The following ZNF174 variants were observed in gnomAD, a reference collection of about 807,000 sequenced individuals.
ZNF174 encodes zinc finger protein 174, also known as AW-1.
Under a neutral mutation model 38.7 loss-of-function variants are expected in ZNF174, and 30 were observed. The ratio of observed to expected loss-of-function variants is 0.78; its 90% CI spans 0.58 to 1.05. The LOEUF (loss-of-function observed/expected upper bound fraction) is 1.05. Among genes scored for constraint, ZNF174 ranks in the 50% least tolerant of loss-of-function variants. ZNF174 has a pLI of 0.00. For synonymous variants in ZNF174, 201 were observed against 181.7 expected (o/e 1.11, Z -0.86); for missense variants, 499 against 495.6 (o/e 1.01, Z -0.06).
At chr16:3,404,975 G>C in intron 2 of ZNF174, 1 of 1,614,096 alleles carries the variant, frequency 6.2e-7, no homozygotes, top group Non-Finnish European at 8.5e-7. Context: ...CTATGGCTGA[G>C]TTTCATTGCT....
Position 3,402,385 on chromosome 16 carries a change from A to T in ZNF174, c.381A>T (p.Ala127=), listed in dbSNP as rs775075182. 10 of 1,613,560 alleles carry T rather than the reference A, an allele frequency of 6.2e-6. No individual in the cohort carries two copies. In the African/African-American group the frequency reaches 1.3e-4, roughly 22 times the overall value. The change falls in exon 1 of 3, where the codon GCA becomes GCT. Residue 127 remains alanine, a synonymous_variant. Transcript: ENST00000268655. ...CCCTCGTGGAAGATTTTCACAGAGC[A>T]TCCAAGAAACCAAAGCAGTGGGTAA... ...IVTLVEDFHR[A]SKKPKQWVAV...
At chr16:3,403,145 A>C (rs901837498) in intron 1 of ZNF174, among the ~76,000 whole-genome samples, 4 of 85,414 alleles carry the variant, frequency 4.7e-5, no homozygotes, top group Non-Finnish European at 8.7e-5. Context: ...TGTTTAGCTT[A>C]TAGTCTTTTT....
intron 2 of ZNF174, among the ~76,000 whole-genome samples, chr16:3,406,733 C>G (rs1357751643): frequency 1.3e-5 from 2 of 152,162 alleles, no homozygotes; most frequent in African/African-American, 4.8e-5. Context: ...GTCTCACTTT[C>G]TTGACAGTGT....
At chr16:3,402,453 C>CTTTTTTTTTTTT (rs56903674) in intron 1 of ZNF174, 47 bp downstream of exon 1, 15 of 1,300,640 alleles carry the variant, frequency 1.2e-5, no homozygotes, top group African/African-American at 6.4e-5. Context: ...TTTTTCTTTT[C>CTTTTTTTTTTTT]TTTTTTTTTT....
In ZNF174 at chr16:3,404,406, T is replaced by C. The variant is rs529988609; in HGVS notation, c.403-20T>C. 24 of 1,578,112 alleles carry C rather than the reference T, an allele frequency of 1.5e-5. No individual in the cohort carries two copies. The East Asian group carries it at 3.6e-4, about 24-fold the overall frequency. On this transcript the variant is annotated intron_variant, in intron 1 of 2. Coordinates refer to ENST00000268655, the MANE Select transcript of ZNF174 (RefSeq NM_003450.3). ...CCTCAGTCCTGATGGATGGAATTAA[T>C]GGATGGGGCTTGTTCCTAGGTGGCC...
Position 3,409,067 on chromosome 16 carries a change from C to A in ZNF174, c.*148C>A. 1.0e-6 allele frequency: 1 copy of A among 966,418 alleles called. No homozygotes were observed. Among genetic ancestry groups the A allele is most frequent in the Non-Finnish European group, 1.5e-6 (1 of 654,150 alleles). The allele number at this position is 966,418 out of a possible 1,614,324, so 59.9% of individuals were successfully genotyped here. A position where few individuals can be genotyped will look rare whatever the true frequency, so the allele number is the denominator to read the frequency against. Reference sequence around the variant, plus strand: ...TGATGCACATTCTGCTGTGAGGAGGCCCAGAAAAGGCCAACCAGGGCCCAA... The same window carrying A: ...TGATGCACATTCTGCTGTGAGGAGGACCAGAAAAGGCCAACCAGGGCCCAA... On this transcript the variant is annotated 3_prime_UTR_variant, in exon 3 of 3. Transcript: ENST00000268655.
rs369171525 is a variant in ZNF174, at chr16:3,404,580, G to A, written c.557G>A (p.Arg186Gln). ...AEPSQAGAYD[R>Q]LSPHHWEKSP... ...CCTTCCCAGGCAGGAGCTTATGACC[G>A]GCTGAGCCCCCATCATTGGGAGAAA... Residue 186 changes from arginine (R) to glutamine (Q), a missense_variant, in exon 2 of 3, where the codon CGG (arginine) becomes CAG (glutamine). Arg to Gln is a conservative substitution (Grantham distance 43). Transcript: ENST00000268655. The A allele has an allele frequency of 3.7e-6, 6 of 1,614,166 alleles. No homozygotes were observed. Among genetic ancestry groups the A allele is most frequent in the Middle Eastern group, 1.6e-4 (1 of 6,062 alleles).
At chr16:3,403,150 CTTTTTTTTTTTTTTTTTTTTTTTTTT>C (rs753071209) in intron 1 of ZNF174, among the ~76,000 whole-genome samples, 2 of 30,938 alleles carry the variant, frequency 6.5e-5, no homozygotes, top group Non-Finnish European at 5.5e-5. Flanking sequence ...AGCTTATAGT[CTTTTTTTTTTTTTTTTTTTTTTTTTT>C]TTTTTTTTTT....
rs372640245 is a variant in ZNF174 at position 3,403,550 on chromosome 16, G to A, written c.403-876G>A. Among the ~76,000 whole-genome samples, 20 of 149,368 alleles carry A rather than the reference G, an allele frequency of 1.3e-4. 1 individual carries two copies. The East Asian group carries it at 2.6e-3, about 19-fold the overall frequency. On this transcript the variant is annotated intron_variant, in intron 1 of 2. Coordinates refer to ENST00000268655, the MANE Select transcript of ZNF174 (RefSeq NM_003450.3). ...TGCTGAGGCTGGAGGGCAGTGGCAC[G>A]ATCTCAGCTCGCTGCAACCTCCATG... is the stretch of plus-strand genomic sequence containing the variant.
chr16:3,401,877 C>T lies in ZNF174; in HGVS notation c.-128C>T. ...CAAGTGAGGCTTTGTCTCTGCATCC[C>T]GTTCCCCCTAACATCCTCAGAGAAC... On this transcript the variant is annotated 5_prime_UTR_variant, in exon 1 of 3. Coordinates refer to ENST00000268655, the MANE Select transcript of ZNF174 (RefSeq NM_003450.3). 1.7e-6 allele frequency: 2 copies of T among 1,186,058 alleles called. No individual in the cohort carries two copies. Among genetic ancestry groups the T allele is most frequent in the Non-Finnish European group, 2.4e-6 (2 of 842,610 alleles). 73.5% of individuals were successfully genotyped at this position (1,186,058 alleles called of 1,614,324 possible). A position where few individuals can be genotyped will look rare whatever the true frequency, so the allele number is the denominator to read the frequency against.
chr16:3,407,942 T>G (rs1244500852), intron 2 of ZNF174, among the ~76,000 whole-genome samples: 1 of 152,242 alleles, frequency 6.6e-6, no homozygotes, highest in Non-Finnish European at 1.5e-5. Context: ...TGTTGAGATT[T>G]CACCTCTCTT....
Position 3,402,325 on chromosome 16 carries a change from G to A in ZNF174, c.321G>A (p.Arg107=), listed in dbSNP as rs2033936732. 2.5e-6 allele frequency: 4 copies of A among 1,614,080 alleles called. No homozygotes were observed. Among genetic ancestry groups the A allele is most frequent in the Non-Finnish European group, 2.5e-6 (3 of 1,180,016 alleles). The change falls in exon 1 of 3, where the codon AGG becomes AGA. Residue 107 remains arginine, a synonymous_variant. Transcript: ENST00000268655. The part of the protein sequence containing the change: ...ILPPEIQARV[R]HRCPMSSKEI... ...CCCCGGAGATCCAGGCTCGGGTCAG[G>A]CATCGATGTCCAATGAGCAGCAAGG...
chr16:3,402,128 C>G lies in ZNF174; in HGVS notation c.124C>G (p.Pro42Ala). The change falls in exon 1 of 3, where the codon CCT becomes GCT. Residue 42 changes from proline (P) to alanine (A), a missense_variant. By Grantham distance (27) the Pro-to-Ala change is conservative. Coordinates refer to ENST00000268655, the MANE Select transcript of ZNF174 (RefSeq NM_003450.3). ...TCCTCTGCAAAAAAACTGCCCAGAT[C>G]CTGAGCTCTGCCGCCAGAGCTTCAG... Reference protein sequence around the residue: ...GPPLQKNCPDPELCRQSFRRF... With the variant: ...GPPLQKNCPDAELCRQSFRRF... 1 of 1,614,218 alleles carries G rather than the reference C, an allele frequency of 6.2e-7. No individual in the cohort carries two copies.
intron 1 of ZNF174, among the ~76,000 whole-genome samples, chr16:3,403,148 G>GTTTTT (rs1567340030): frequency 5.2e-5 from 3 of 57,676 alleles, no homozygotes; most frequent in African/African-American, 2.3e-4. Context: ...TTAGCTTATA[G>GTTTTT]TCTTTTTTTT....
chr16:3,409,125 G>A lies in ZNF174; in HGVS notation c.*206G>A. 4 of 590,530 alleles carry A rather than the reference G, an allele frequency of 6.8e-6. No homozygotes were observed. Among genetic ancestry groups the A allele is most frequent in the South Asian group, 4.2e-5 (2 of 47,774 alleles). 36.6% of individuals were successfully genotyped at this position (590,530 alleles called of 1,614,324 possible). A position where few individuals can be genotyped will look rare whatever the true frequency, so the allele number is the denominator to read the frequency against. On this transcript the variant is annotated 3_prime_UTR_variant, in exon 3 of 3. Transcript: ENST00000268655. ...TGATGACAGGGTGAAGAGAAGGCAG[G>A]TCTGGGCACTGGGGCAAAGAGAACT... is the stretch of plus-strand genomic sequence containing the variant.
At chr16:3,407,718 C>G (rs1480031232) in intron 2 of ZNF174, among the ~76,000 whole-genome samples, 1 of 152,208 alleles carries the variant, frequency 6.6e-6, no homozygotes, top group African/African-American at 2.4e-5. Flanking sequence ...TCATCTCCAT[C>G]CAGACTGTCA....
In ZNF174 at chr16:3,404,554, G is replaced by T. The variant is rs752826237; in HGVS notation, c.531G>T (p.Glu177Asp). The change falls in exon 2 of 3, where the codon GAG (glutamate) becomes GAT (aspartate). Residue 177 changes from glutamate to aspartate, a missense_variant. Physicochemically the swap from Glu to Asp is conservative, Grantham distance 45. Transcript: ENST00000268655. ...ATCTCAGGGAGAGCTCTCCAGCAGA[G>T]CCTTCCCAGGCAGGAGCTTATGACC... is the stretch of plus-strand genomic sequence containing the variant. ...RRDLRESSPA[E>D]PSQAGAYDRL... 10 of 1,614,098 alleles carry T rather than the reference G, an allele frequency of 6.2e-6. No individual in the cohort carries two copies. The East Asian group carries it at 1.8e-4, about 29-fold the overall frequency.
At position 3,402,184 on chromosome 16, in the gene ZNF174, C is replaced by T; in HGVS notation, c.180C>T (p.Pro60=). The change falls in exon 1 of 3, where the codon CCC becomes CCT. Residue 60 remains proline, a synonymous_variant. Coordinates refer to ENST00000268655, the MANE Select transcript of ZNF174 (RefSeq NM_003450.3). ...TTTGTTATCAAGAGGTGTCTGGACC[C>T]CAAGAGGCTCTCTCCCAGCTCCGAC... ...RRFCYQEVSG[P]QEALSQLRQL... is the part of the protein sequence containing the mutation. 6.2e-7 allele frequency: 1 copy of T among 1,612,874 alleles called. No individual in the cohort carries two copies. Among genetic ancestry groups the T allele is most frequent in the East Asian group, 2.2e-5 (1 of 44,860 alleles).
intron 2 of ZNF174, among the ~76,000 whole-genome samples, chr16:3,408,055 T>G (rs1327302685): frequency 6.6e-6 from 1 of 152,184 alleles, no homozygotes; most frequent in Non-Finnish European, 1.5e-5. Flanking sequence ...GATGGAGAAC[T>G]TGGTTCCTAA....
Sources: gnomAD v4.1 joint callset for allele counts (sites outside exome capture counted in the v4.1 genomes callset) on GRCh38, gnomAD v4.1.1 for gene constraint, MANE v1.5 for transcripts, NCBI Gene and HGNC (gene_info 2026-07-23, HGNC 2026-07-21) for gene names.